Variants in ELF2 observed in about 807,000 individuals in gnomAD.
ELF2 encodes E74 like ETS transcription factor 2.
In ELF2, 11 loss-of-function variants were observed where a neutral mutation model predicts 54.8. The observed-to-expected ratio is 0.20, with a 90% CI of 0.13 to 0.33. ELF2 has a LOEUF of 0.33. Ranked by LOEUF, ELF2 falls within the 10% of genes least tolerant of loss-of-function variation. The pLI is 1.00. For synonymous variants in ELF2, 203 were observed against 245.1 expected (o/e 0.83, Z 1.61); for missense variants, 513 against 703.0 (o/e 0.73, Z 3.06).
intron 4 of ELF2, among the ~76,000 whole-genome samples, chr4:139,111,036 T>C (rs1578823400): frequency 1.3e-5 from 2 of 152,334 alleles, no homozygotes. Flanking sequence ...TTTTAGAATA[T>C]TCTAAATATT....
intron 4 of ELF2, among the ~76,000 whole-genome samples, chr4:139,083,005 G>A (rs914981485): frequency 3.9e-5 from 6 of 152,120 alleles, no homozygotes; most frequent in African/African-American, 7.2e-5. Context: ...AATTCCATGC[G>A]TACATTGTCA....
chr4:139,088,115 C>T (rs1376686754), intron 4 of ELF2, among the ~76,000 whole-genome samples: 1 of 151,780 alleles, frequency 6.6e-6, no homozygotes, highest in Admixed American at 6.6e-5. Context: ...GGTGACAGCC[C>T]GTCTCTACTA....
intron 3 of ELF2, among the ~76,000 whole-genome samples, chr4:139,136,591 T>C (rs913498433): frequency 3.0e-4 from 45 of 151,640 alleles, no homozygotes; most frequent in Non-Finnish European, 5.3e-4. Flanking sequence ...TTTTCCCACC[T>C]CAGCTCTGAA....
chr4:139,150,094 C>T (rs1351604028), intron 1 of ELF2, among the ~76,000 whole-genome samples: 1 of 152,064 alleles, frequency 6.6e-6, no homozygotes, highest in African/African-American at 2.4e-5. Flanking sequence ...AATCCCAATA[C>T]TTTGGGAGGC....
chr4:139,129,931 G>A (rs959799572), intron 3 of ELF2, among the ~76,000 whole-genome samples: 9 of 152,134 alleles, frequency 5.9e-5, no homozygotes, highest in Non-Finnish European at 1.3e-4. Context: ...GTCATGGGCT[G>A]AATTGTGTCC....
chr4:139,158,365 G>A (rs1038081239), intron 1 of ELF2, among the ~76,000 whole-genome samples: 1 of 152,128 alleles, frequency 6.6e-6, no homozygotes, highest in Non-Finnish European at 1.5e-5. Context: ...GGACTCAGAG[G>A]CCTGACATTC....
At chr4:139,143,770 ACT>A (rs1473058086) in intron 1 of ELF2, among the ~76,000 whole-genome samples, 1 of 152,102 alleles carries the variant, frequency 6.6e-6, no homozygotes. Context: ...ACAGAGCAAG[ACT>A]CTGCCTCAAA....
At chr4:139,158,282 T>C (rs1295099264) in intron 1 of ELF2, among the ~76,000 whole-genome samples, 4 of 152,190 alleles carry the variant, frequency 2.6e-5, no homozygotes, top group South Asian at 2.1e-4. Flanking sequence ...TTCACTTCTT[T>C]TGTGATTCTT....
intron 4 of ELF2, among the ~76,000 whole-genome samples, chr4:139,076,008 T>G (rs567911911): frequency 7.2e-5 from 11 of 152,176 alleles, no homozygotes; most frequent in Non-Finnish European, 1.3e-4. Context: ...ACACTAACGA[T>G]ATGAATCTTT....
intron 4 of ELF2, among the ~76,000 whole-genome samples, chr4:139,092,409 T>TAACA (rs879660732): frequency 0.23 from 18,066 of 79,972 alleles, 1,904 homozygotes; most frequent in South Asian, 0.34. Flanking sequence ...TAACATAACA[T>TAACA]AACATACATA....
chr4:139,108,898 A>G (rs1445184274), intron 4 of ELF2, among the ~76,000 whole-genome samples: 2 of 152,202 alleles, frequency 1.3e-5, no homozygotes, highest in Non-Finnish European at 2.9e-5. Flanking sequence ...CGGGGCCCAA[A>G]TAAGTATGCT....
chr4:139,159,664 T>A (rs1273007722), intron 1 of ELF2, among the ~76,000 whole-genome samples: 1 of 152,222 alleles, frequency 6.6e-6, no homozygotes, highest in African/African-American at 2.4e-5. Flanking sequence ...TGATGGGATC[T>A]GATGCCTTTT....
intron 1 of ELF2, among the ~76,000 whole-genome samples, chr4:139,156,108 C>T (rs1383836311): frequency 1.3e-5 from 2 of 152,182 alleles, no homozygotes; most frequent in African/African-American, 4.8e-5. Context: ...TCCTTATTTA[C>T]TCATGGCCTT....
intron 4 of ELF2, among the ~76,000 whole-genome samples, chr4:139,117,396 C>T (rs1479140510): frequency 2.0e-5 from 3 of 152,092 alleles, no homozygotes; most frequent in African/African-American, 7.2e-5. Context: ...CCAATTTTTT[C>T]CATTAAGCAT....
At chr4:139,060,756 G>T in intron 8 of ELF2, 82 bp from the exon 9 acceptor site, 1 of 1,141,578 alleles carries the variant, frequency 8.8e-7, no homozygotes, top group Non-Finnish European at 1.3e-6. Context: ...ACCACATACA[G>T]TGGATACTAA....
rs556711950 is a variant in ELF2, at chr4:139,169,346, T to C, written c.-252+7621A>G. 9.8e-3 allele frequency among the ~76,000 whole-genome samples: 760 copies of C among 77,506 alleles called. 107 individuals carry two copies. The highest frequency in any genetic ancestry group is 0.015 in the African/African-American group (316 of 21,688). 50.8% of individuals were successfully genotyped at this position (77,506 alleles called of 152,430 possible). On this transcript the variant is annotated intron_variant, in intron 1 of 9. Transcript: ENST00000686138. The stretch of plus-strand genomic sequence containing the variant: ...CTGGGCTACAGAGCGGGACTACATT[T>C]AAAAAAAAAAAAAAAAAAAACTATC...
chr4:139,135,235 ATATGTGTGTGTGTG>A (rs1489522288), intron 3 of ELF2, among the ~76,000 whole-genome samples: 25 of 131,972 alleles, frequency 1.9e-4, no homozygotes, highest in South Asian at 9.6e-4. Context: ...ACTACTATAT[ATATGTGTGTGTGTG>A]TGTGTGTGTG....
At chr4:139,161,224 C>T (rs1042676503) in intron 1 of ELF2, among the ~76,000 whole-genome samples, 1 of 152,166 alleles carries the variant, frequency 6.6e-6, no homozygotes, top group African/African-American at 2.4e-5. Context: ...TTTTAATTCA[C>T]ATAATTTAAG....
chr4:139,114,785 G>GCTT (rs1735435391), intron 4 of ELF2: 1 of 1,448,962 alleles, frequency 6.9e-7, no homozygotes, highest in African/African-American at 1.4e-5. Context: ...AGGGGGCAGG[G>GCTT]GAAGAGACCC....
Sources: allele counts gnomAD v4.1 joint callset (sites outside exome capture counted in the v4.1 genomes callset), GRCh38; gene constraint gnomAD v4.1.1; transcripts MANE v1.5; gene names NCBI Gene and HGNC (gene_info 2026-07-23, HGNC 2026-07-21).